Variants in PPARGC1A observed in about 807,000 individuals in gnomAD.
PPARGC1A encodes the protein PPARG coactivator 1 alpha, also known as peroxisome proliferator-activated receptor gamma coactivator 1-alpha.
PPARGC1A carries 25 observed loss-of-function variants against 88.7 expected under a neutral mutation model. That is an observed-to-expected ratio of 0.28 (90% CI 0.21 to 0.39). The LOEUF (loss-of-function observed/expected upper bound fraction) is 0.39. PPARGC1A is among the 10% of genes least tolerant of loss of function. PPARGC1A has a pLI of 1.00. For synonymous variants in PPARGC1A, 363 were observed against 355.6 expected (o/e 1.02, Z -0.24); for missense variants, 880 against 968.7 (o/e 0.91, Z 1.22).
the PPARGC1A span, among the ~76,000 whole-genome samples, chr4:24,024,176 C>G: frequency 1.3e-5 from 2 of 152,168 alleles, no homozygotes; most frequent in Non-Finnish European, 2.9e-5. Flanking sequence ...GGCTTCTGAT[C>G]CTGCCAGGAT....
At chr4:24,134,500 A>G in the PPARGC1A span, among the ~76,000 whole-genome samples, 1 of 152,272 alleles carries the variant, frequency 6.6e-6, no homozygotes, top group Non-Finnish European at 1.5e-5. Flanking sequence ...TGAATCAGCA[A>G]TTAGATCTCC....
chr4:24,009,307 A>T, the PPARGC1A span, among the ~76,000 whole-genome samples: 1 of 152,184 alleles, frequency 6.6e-6, no homozygotes, highest in Non-Finnish European at 1.5e-5. Flanking sequence ...CTGCAAGTAA[A>T]GGAGGCAAGA....
the PPARGC1A span, among the ~76,000 whole-genome samples, chr4:24,327,095 C>T: frequency 1.3e-5 from 2 of 152,292 alleles, no homozygotes; most frequent in Admixed American, 6.5e-5. Context: ...CAGCCACCAA[C>T]TTAAAAAGGA....
the PPARGC1A span, among the ~76,000 whole-genome samples, chr4:24,355,913 ACGG>A: frequency 2.0e-5 from 3 of 152,188 alleles, no homozygotes; most frequent in Admixed American, 6.5e-5. Context: ...TAATGAGTTT[ACGG>A]CGGGGCACGA....
At chr4:24,227,431 A>G in the PPARGC1A span, among the ~76,000 whole-genome samples, 1 of 152,206 alleles carries the variant, frequency 6.6e-6, no homozygotes, top group Non-Finnish European at 1.5e-5. Flanking sequence ...TAGGGGACTC[A>G]TTTGTAAAAC....
At chr4:24,370,828 C>T in the PPARGC1A span, among the ~76,000 whole-genome samples, 9 of 128,034 alleles carry the variant, frequency 7.0e-5, no homozygotes, top group South Asian at 8.2e-4. Context: ...GTTTGTTACA[C>T]AGGTATACAT....
chr4:23,934,396 C>G, the PPARGC1A span, among the ~76,000 whole-genome samples: 1 of 152,176 alleles, frequency 6.6e-6, no homozygotes, highest in Non-Finnish European at 1.5e-5. Flanking sequence ...CTGAAGTAGC[C>G]GTGCTAGTAG....
chr4:23,870,292 C>T (rs1404103613), intron 2 of PPARGC1A, among the ~76,000 whole-genome samples: 2 of 152,188 alleles, frequency 1.3e-5, no homozygotes, highest in Admixed American at 1.3e-4. Flanking sequence ...CACGTATTTA[C>T]ATATTTTCCC....
chr4:24,194,592 A>T, the PPARGC1A span, among the ~76,000 whole-genome samples: 1 of 152,020 alleles, frequency 6.6e-6, no homozygotes, highest in African/African-American at 2.4e-5. Flanking sequence ...CCAAGATCAG[A>T]CACCAGTGGG....
At chr4:24,158,712 A>G in the PPARGC1A span, among the ~76,000 whole-genome samples, 2 of 152,192 alleles carry the variant, frequency 1.3e-5, no homozygotes, top group East Asian at 3.9e-4. Flanking sequence ...TGCTGTAAGG[A>G]AAATCTTTTT....
In PPARGC1A at chr4:23,813,124, A is replaced by G. The variant is rs765457349; in HGVS notation, c.1795T>C (p.Ser599Pro). Residue 599 changes from serine to proline, a missense_variant and splice_region_variant, in exon 9 of 13, where the codon TCC (serine) becomes CCC (proline). Transcript: ENST00000264867. ...TGGCTTGACTCATAGTAATAGCAGG[A>G]TCTGCGCCAGAGGAGAAAAGCAAAA... Reference protein sequence around the residue: ...RSPGSRSSSRSCYYYESSHYR... With the variant: ...RSPGSRSSSRPCYYYESSHYR... 5.8e-5 allele frequency: 94 copies of G among 1,613,816 alleles called. No individual in the cohort carries two copies. The highest frequency in any genetic ancestry group is 7.9e-5 in the Non-Finnish European group (93 of 1,179,866).
At chr4:24,310,154 T>C in the PPARGC1A span, among the ~76,000 whole-genome samples, 1 of 152,182 alleles carries the variant, frequency 6.6e-6, no homozygotes, top group Non-Finnish European at 1.5e-5. Flanking sequence ...GTGCCTTGGC[T>C]GTATACACGT....
the PPARGC1A span, among the ~76,000 whole-genome samples, chr4:24,035,673 A>ATGGT: frequency 6.6e-6 from 1 of 152,290 alleles, no homozygotes; most frequent in Non-Finnish European, 1.5e-5. Flanking sequence ...GAGTAGCATG[A>ATGGT]TGGTACACAG....
At chr4:24,036,878 T>C in the PPARGC1A span, among the ~76,000 whole-genome samples, 1 of 152,234 alleles carries the variant, frequency 6.6e-6, no homozygotes, top group Non-Finnish European at 1.5e-5. Context: ...AAAATAAATG[T>C]CAATGTCCAG....
At chr4:24,230,950 T>TAAAAAA in the PPARGC1A span, among the ~76,000 whole-genome samples, 3 of 138,772 alleles carry the variant, frequency 2.2e-5, no homozygotes, top group African/African-American at 7.9e-5. Flanking sequence ...CAGAATTTAT[T>TAAAAAA]AAAAAAAATA....
chr4:24,240,138 C>T, the PPARGC1A span, among the ~76,000 whole-genome samples: 1 of 152,140 alleles, frequency 6.6e-6, no homozygotes, highest in Admixed American at 6.6e-5. Context: ...TAAAAGACTA[C>T]CCATAATTTT....
chr4:24,425,967 A>T, the PPARGC1A span, among the ~76,000 whole-genome samples: 2 of 152,232 alleles, frequency 1.3e-5, no homozygotes, highest in Non-Finnish European at 2.9e-5. Context: ...TTAACAATAA[A>T]TATTTCAAAA....
chr4:24,072,980 T>C, the PPARGC1A span, among the ~76,000 whole-genome samples: 1 of 152,190 alleles, frequency 6.6e-6, no homozygotes, highest in Admixed American at 6.5e-5. Flanking sequence ...ACTTGATTCT[T>C]AATGACTTAT....
chr4:24,232,337 T>C, the PPARGC1A span, among the ~76,000 whole-genome samples: 2 of 152,218 alleles, frequency 1.3e-5, no homozygotes, highest in Non-Finnish European at 2.9e-5. Flanking sequence ...TAACTAGTGA[T>C]GCAGAGCAAG....
Sources: allele counts gnomAD v4.1 joint callset (sites outside exome capture counted in the v4.1 genomes callset), GRCh38; gene constraint gnomAD v4.1.1; transcripts MANE v1.5; gene names NCBI Gene and HGNC (gene_info 2026-07-23, HGNC 2026-07-21).